The following PCNT variants were observed in gnomAD, a reference collection of about 807,000 sequenced individuals.
PCNT encodes the protein pericentrin, also known as kendrin.
PCNT carries 319 observed loss-of-function variants against 380.4 expected under a neutral mutation model. The ratio of observed to expected loss-of-function variants is 0.84; its 90% CI spans 0.77 to 0.92. The LOEUF (loss-of-function observed/expected upper bound fraction) is 0.92. Among genes scored for constraint, PCNT ranks in the 40% least tolerant of loss-of-function variants. The pLI is 0.00. For synonymous variants in PCNT, 1,845 were observed against 1,735.2 expected, an observed-to-expected ratio of 1.06 and a Z score of -1.57; for missense variants, 4,400 against 4,255.3, an observed-to-expected ratio of 1.03 and a Z score of -0.95.
chr21:46,423,688 C>T (rs1192468239), intron 32 of PCNT, among the ~76,000 whole-genome samples: 3 of 45,808 alleles, frequency 6.5e-5, no homozygotes, highest in African/African-American at 1.1e-4. Context: ...GCAGCAGCTG[C>T]GAAGCAGAGG....
chr21:46,429,862 C>T, intron 35 of PCNT, 148 bp from the exon 36 acceptor site: 1 of 662,288 alleles, frequency 1.5e-6, no homozygotes, highest in Non-Finnish European at 2.7e-6. Flanking sequence ...CTGGTTCCAC[C>T]CGCAGTGAAA....
chr21:46,342,259 A>G (rs551672564), intron 3 of PCNT, among the ~76,000 whole-genome samples: 5 of 152,222 alleles, frequency 3.3e-5, no homozygotes, highest in African/African-American at 1.2e-4. Context: ...GGCGTGCACA[A>G]CTGCGGCCAG....
intron 34 of PCNT, 73 bp from the exon 35 acceptor site, chr21:46,428,322 G>A: frequency 7.2e-7 from 1 of 1,385,364 alleles, no homozygotes; most frequent in Non-Finnish European, 1.0e-6. Flanking sequence ...GGTTTTGAGG[G>A]CGGGCAGCAG....
rs1457811326 is a variant in PCNT at position 46,429,501 on chromosome 21, G to A, written c.7691-509G>A. ...GTGAGGGGCATGGGGGTGGTGGGCCGGTGCTGTCTGAGTGCTCGTGAGGGG... is the reference window on the plus strand; with the variant it reads ...GTGAGGGGCATGGGGGTGGTGGGCCAGTGCTGTCTGAGTGCTCGTGAGGGG... On this transcript the variant is annotated intron_variant, in intron 35 of 46. Coordinates refer to ENST00000359568, the MANE Select transcript of PCNT (RefSeq NM_006031.6). 3.9e-5 allele frequency among the ~76,000 whole-genome samples: 6 copies of A among 152,194 alleles called. No individual in the cohort carries two copies. The East Asian group carries it at 1.2e-3, about 29-fold the overall frequency.
Position 46,416,937 on chromosome 21 carries a change from A to G in PCNT, c.6921+98A>G, listed in dbSNP as rs13340001. 0.093 allele frequency: 115,783 copies of G among 1,241,844 alleles called. 10,295 individuals carry two copies. Among genetic ancestry groups the G allele is most frequent in the African/African-American group, 0.44 (29,685 of 67,414 alleles). The allele number at this position is 1,241,844 out of a possible 1,614,324, so 76.9% of individuals were successfully genotyped here. ...CATTGTTTGTTCACCTCCTGACAGC[A>G]CACACCTCGCAGTGCTGTGTGGGGC... On this transcript the variant is annotated intron_variant, in intron 30 of 46. Coordinates refer to ENST00000359568, the MANE Select transcript of PCNT (RefSeq NM_006031.6).
rs369248579 is a variant in PCNT, at chr21:46,366,611, C to T, written c.2637C>T (p.Thr879=). 3.2e-5 allele frequency: 51 copies of T among 1,613,942 alleles called. No individual in the cohort carries two copies. Among genetic ancestry groups the T allele is most frequent in the East Asian group, 6.7e-5 (3 of 44,882 alleles). ...SRFLEERKEI[T]EKFSAEQDAF... ...TTTTAGAGGAACGTAAAGAGATCAC[C>T]GAGAAATTCAGTGCGGAACAAGATG... Residue 879 remains threonine (T), a synonymous_variant, in exon 15 of 47, where the codon ACC becomes ACT. Transcript: ENST00000359568.
At chr21:46,391,943 G>C (rs530040596) in intron 21 of PCNT, among the ~76,000 whole-genome samples, 14 of 152,346 alleles carry the variant, frequency 9.2e-5, no homozygotes, top group African/African-American at 2.2e-4. Context: ...CAGGCACGTG[G>C]GAGGCAGAGG....
At chr21:46,432,282 C>T (rs1223470445) in intron 38 of PCNT, 67 bp downstream of exon 38, 1 of 1,462,392 alleles carries the variant, frequency 6.8e-7, no homozygotes, top group Admixed American at 2.0e-5. Context: ...TAGGATGGTT[C>T]ACGTGGGGGA....
intron 2 of PCNT, among the ~76,000 whole-genome samples, chr21:46,330,404 C>T (rs2083519624): frequency 1.3e-5 from 2 of 152,162 alleles, no homozygotes; most frequent in Admixed American, 6.5e-5. Context: ...TAGGTGTGAG[C>T]CATCCCACCT....
intron 37 of PCNT, 106 bp from the exon 38 acceptor site, chr21:46,431,423 G>A: frequency 6.3e-7 from 1 of 1,589,286 alleles, no homozygotes; most frequent in Non-Finnish European, 8.6e-7. Flanking sequence ...CATTTCAAAA[G>A]GTAGAATTGC....
intron 27 of PCNT, among the ~76,000 whole-genome samples, chr21:46,409,707 C>G (rs1003617458): frequency 6.6e-6 from 1 of 152,190 alleles, no homozygotes; most frequent in Non-Finnish European, 1.5e-5. Flanking sequence ...TTAAGTGATT[C>G]TCCCACCTCA....
chr21:46,342,523 AT>A (rs2083937466), intron 3 of PCNT, among the ~76,000 whole-genome samples: 1 of 148,512 alleles, frequency 6.7e-6, no homozygotes, highest in Admixed American at 6.7e-5. Context: ...TGTTTGTGTC[AT>A]CAATTCTTTC....
At chr21:46,415,980 C>T in intron 29 of PCNT, 89 bp from the exon 30 acceptor site, 1 of 1,321,128 alleles carries the variant, frequency 7.6e-7, no homozygotes, top group Non-Finnish European at 1.1e-6. Context: ...TGCTCCGAAA[C>T]TCCCTGAAAT....
intron 3 of PCNT, 99 bp downstream of exon 3, chr21:46,334,867 G>A (rs2083682728): frequency 6.4e-7 from 1 of 1,566,324 alleles, no homozygotes; most frequent in Non-Finnish European, 8.7e-7. Flanking sequence ...TCTCTGCAGG[G>A]CCTCTCTTTA....
At chr21:46,357,236 G>T in intron 13 of PCNT, 45 bp downstream of exon 13, 1 of 1,342,006 alleles carries the variant, frequency 7.5e-7, no homozygotes, top group Non-Finnish European at 1.1e-6. Context: ...CCGAGTCCTT[G>T]CTCTCTTCCA....
In PCNT at chr21:46,430,676, A is replaced by G; in HGVS notation, c.8064+19A>G. On this transcript the variant is annotated intron_variant, in intron 37 of 46. Transcript: ENST00000359568. ...CCTGGAGGTAACAGGGTGTCAGGGC[A>G]AGGCAGCCGGCATGGGCTGTGTGCA... The G allele has an allele frequency of 6.4e-7, 1 of 1,563,432 alleles. No homozygotes were observed. The highest frequency in any genetic ancestry group is 8.7e-7 in the Non-Finnish European group (1 of 1,154,930).
Position 46,398,121 on chromosome 21 carries a change from C to A in PCNT, c.4554C>A (p.Arg1518=). ...CCAAGCCGCAGCCCTGGGGCCCTCG[C>A]GACAGCCAGGTGAGTCAGTGCAGCG... ...QAAKPQPWGP[R]DSQQAPLDGE... The change falls in exon 23 of 47, where the codon CGC becomes CGA. Residue 1518 remains arginine (R), a synonymous_variant. Transcript: ENST00000359568. 6.2e-7 allele frequency: 1 copy of A among 1,605,802 alleles called. No individual in the cohort carries two copies. Among genetic ancestry groups the A allele is most frequent in the African/African-American group, 1.3e-5 (1 of 74,920 alleles).
chr21:46,399,114 G>A (rs57936960), intron 24 of PCNT, among the ~76,000 whole-genome samples: 19,725 of 152,190 alleles, frequency 0.13, 3,571 homozygotes, highest in African/African-American at 0.41. Context: ...CCACCGCGCC[G>A]GCTGTAGTAT....
intron 41 of PCNT, among the ~76,000 whole-genome samples, chr21:46,438,786 T>TC (rs1230773327): frequency 1.5e-4 from 22 of 151,624 alleles, no homozygotes; most frequent in African/African-American, 5.3e-4. Context: ...AATTCTCCTG[T>TC]GTCAGCCTCC....
Sources: gnomAD v4.1 joint callset for allele counts (sites outside exome capture counted in the v4.1 genomes callset) on GRCh38, gnomAD v4.1.1 for gene constraint, MANE v1.5 for transcripts, NCBI Gene and HGNC (gene_info 2026-07-23, HGNC 2026-07-21) for gene names.